TMEM117: variants seen among roughly 807,000 people sequenced by gnomAD.
The protein encoded by TMEM117 is transmembrane protein 117.
TMEM117 carries 27 observed loss-of-function variants against 52.4 expected under a neutral mutation model. The ratio of observed to expected loss-of-function variants is 0.51; its 90% CI spans 0.38 to 0.71. The LOEUF is 0.71. Ranked by LOEUF, TMEM117 falls within the 30% of genes least tolerant of loss-of-function variation. The probability of loss-of-function intolerance (pLI) is 0.00; values close to 1 mark genes in which losing one functional copy is unlikely to be tolerated. For synonymous variants in TMEM117, 215 were observed against 206.3 expected, an observed-to-expected ratio of 1.04 and a Z score of -0.36; for missense variants, 556 against 630.5, an observed-to-expected ratio of 0.88 and a Z score of 1.26.
At chr12:43,866,818 C>T (rs1943608588) in intron 2 of TMEM117, among the ~76,000 whole-genome samples, 2 of 152,170 alleles carry the variant, frequency 1.3e-5, no homozygotes, top group African/African-American at 2.4e-5. Context: ...TAGGTTGGCG[C>T]GGTGGCTTAC....
intron 3 of TMEM117, among the ~76,000 whole-genome samples, chr12:43,947,276 A>C (rs544603191): frequency 6.6e-6 from 1 of 152,206 alleles, no homozygotes; most frequent in Admixed American, 6.5e-5. Context: ...TCAAGGTTAC[A>C]GTGAGTTATG....
At chr12:43,896,682 A>G (rs1009034205) in intron 2 of TMEM117, among the ~76,000 whole-genome samples, 2 of 152,058 alleles carry the variant, frequency 1.3e-5, no homozygotes, top group East Asian at 3.9e-4. Context: ...TTCTCAGGCC[A>G]TGGCCTTTGC....
intron 3 of TMEM117, among the ~76,000 whole-genome samples, chr12:44,141,114 CAG>C (rs1349527616): frequency 1.3e-5 from 2 of 152,098 alleles, no homozygotes; most frequent in Non-Finnish European, 2.9e-5. Flanking sequence ...ATTATTTAAA[CAG>C]TGTTAACACT....
chr12:43,969,551 T>C (rs1231042790), intron 3 of TMEM117, among the ~76,000 whole-genome samples: 2 of 151,782 alleles, frequency 1.3e-5, no homozygotes, highest in Non-Finnish European at 2.9e-5. Flanking sequence ...TTTAAAATTA[T>C]ATTTTCATCC....
At chr12:44,133,514 T>G (rs1443578552) in intron 3 of TMEM117, among the ~76,000 whole-genome samples, 3 of 152,132 alleles carry the variant, frequency 2.0e-5, no homozygotes, top group Non-Finnish European at 2.9e-5. Context: ...TTCTTTTTGC[T>G]TTTTTGACCG....
rs540729628 is a variant in TMEM117 at position 43,863,878 on chromosome 12, G to T, written c.277+18950G>T. On this transcript the variant is annotated intron_variant, in intron 2 of 7. Coordinates refer to ENST00000266534, the MANE Select transcript of TMEM117 (RefSeq NM_032256.3). ...GGCCGAGGCTGGAGCTGGCTCCCTT[G>T]GCTTGCAGGGAGGTGTGGAGGGAGA... Among the ~76,000 whole-genome samples, 5 of 152,312 alleles carry T rather than the reference G, an allele frequency of 3.3e-5. No individual in the cohort carries two copies. In the South Asian group the frequency reaches 6.2e-4, roughly 19 times the overall value.
At chr12:43,982,553 A>C (rs889135780) in intron 3 of TMEM117, among the ~76,000 whole-genome samples, 1 of 152,188 alleles carries the variant, frequency 6.6e-6, no homozygotes, top group Non-Finnish European at 1.5e-5. Flanking sequence ...TAATTATTTA[A>C]TCTACTTCCC....
At chr12:43,917,679 G>A (rs927484979) in intron 2 of TMEM117, among the ~76,000 whole-genome samples, 2 of 152,022 alleles carry the variant, frequency 1.3e-5, no homozygotes, top group Admixed American at 6.6e-5. Flanking sequence ...CAATATTGGG[G>A]TTCATAATTC....
chr12:43,820,790 C>G, the TMEM117 span, among the ~76,000 whole-genome samples: 1 of 151,814 alleles, frequency 6.6e-6, no homozygotes, highest in African/African-American at 2.4e-5. Flanking sequence ...TTTGCCAAAC[C>G]CTTCTGTCTT....
At chr12:44,084,877 T>C (rs2138024190) in intron 3 of TMEM117, among the ~76,000 whole-genome samples, 1 of 152,300 alleles carries the variant, frequency 6.6e-6, no homozygotes, top group East Asian at 1.9e-4. Context: ...TTATCTGAAA[T>C]CCAGTTTCTG....
At chr12:43,867,366 A>C (rs944345004) in intron 2 of TMEM117, among the ~76,000 whole-genome samples, 6 of 152,168 alleles carry the variant, frequency 3.9e-5, no homozygotes, top group Admixed American at 1.3e-4. Flanking sequence ...ATAGGATGTA[A>C]ATTATTATAC....
intron 3 of TMEM117, among the ~76,000 whole-genome samples, chr12:43,951,932 A>G (rs1419786959): frequency 6.6e-6 from 1 of 152,178 alleles, no homozygotes; most frequent in East Asian, 1.9e-4. Context: ...AGAACCTTTC[A>G]GAGGAAGGAG....
intron 3 of TMEM117, among the ~76,000 whole-genome samples, chr12:44,041,167 A>G (rs1331622739): frequency 2.6e-5 from 4 of 151,636 alleles, no homozygotes; most frequent in African/African-American, 9.7e-5. Flanking sequence ...ATATGTATAC[A>G]TGTGCCATGT....
At chr12:43,844,342 A>G (rs1943163948) in intron 1 of TMEM117, among the ~76,000 whole-genome samples, 1 of 152,092 alleles carries the variant, frequency 6.6e-6, no homozygotes, top group South Asian at 2.1e-4. Context: ...CACCATCCCA[A>G]TTTTGGACAG....
At chr12:44,124,764 T>C (rs1299105506) in intron 3 of TMEM117, among the ~76,000 whole-genome samples, 1 of 152,208 alleles carries the variant, frequency 6.6e-6, no homozygotes, top group African/African-American at 2.4e-5. Context: ...TGCTTGATCA[T>C]GGTGGATAAG....
chr12:44,158,242 A>T (rs1477548641), intron 4 of TMEM117, among the ~76,000 whole-genome samples: 1 of 152,152 alleles, frequency 6.6e-6, no homozygotes, highest in Admixed American at 6.6e-5. Flanking sequence ...CATTTCATTG[A>T]CTTGTCTATA....
At chr12:44,055,264 A>C (rs932759965) in intron 3 of TMEM117, among the ~76,000 whole-genome samples, 1 of 152,228 alleles carries the variant, frequency 6.6e-6, no homozygotes, top group Non-Finnish European at 1.5e-5. Flanking sequence ...AATTGTATCA[A>C]ATAAAAATTT....
chr12:44,206,729 G>A (rs1005048895), intron 4 of TMEM117, among the ~76,000 whole-genome samples: 1 of 152,102 alleles, frequency 6.6e-6, no homozygotes, highest in Non-Finnish European at 1.5e-5. Flanking sequence ...ACCAAATACT[G>A]CATATTCTAA....
chr12:44,329,501 A>G (rs1451519322), intron 6 of TMEM117, among the ~76,000 whole-genome samples: 3 of 152,124 alleles, frequency 2.0e-5, no homozygotes, highest in Admixed American at 6.6e-5. Context: ...CTGTTGTGAT[A>G]GTGTTGACAT....
Sources: allele counts gnomAD v4.1 joint callset (sites outside exome capture counted in the v4.1 genomes callset), GRCh38; gene constraint gnomAD v4.1.1; transcripts MANE v1.5; gene names NCBI Gene and HGNC (gene_info 2026-07-23, HGNC 2026-07-21).